The following TFEB variants were observed in gnomAD, a reference collection of about 807,000 sequenced individuals.
TFEB encodes T-cell transcription factor EB.
Under a neutral mutation model 48.0 loss-of-function variants are expected in TFEB, and 12 were observed. That is an observed-to-expected ratio of 0.25 (90% CI 0.16 to 0.40). The LOEUF (loss-of-function observed/expected upper bound fraction) is 0.40, where lower values mean the gene tolerates loss of function less well. TFEB is among the 10% of genes least tolerant of loss of function. The pLI is 1.00. For synonymous variants in TFEB, 244 were observed against 261.4 expected, an observed-to-expected ratio of 0.93 and a Z score of 0.64; for missense variants, 509 against 640.3, an observed-to-expected ratio of 0.79 and a Z score of 2.21.
intron 1 of TFEB, among the ~76,000 whole-genome samples, chr6:41,698,652 ACT>A (rs1197757836): frequency 1.3e-5 from 2 of 152,058 alleles, no homozygotes; most frequent in African/African-American, 2.4e-5. Context: ...AGTCTGTTAC[ACT>A]CTCAGTCGTG....
chr6:41,697,103 T>C (rs1431623028), intron 1 of TFEB, among the ~76,000 whole-genome samples: 2 of 152,014 alleles, frequency 1.3e-5, no homozygotes, highest in Non-Finnish European at 2.9e-5. Flanking sequence ...CATTTTAAAA[T>C]CACATAAGAA....
chr6:41,727,091 A>T (rs1289131739), intron 1 of TFEB, among the ~76,000 whole-genome samples: 1 of 151,694 alleles, frequency 6.6e-6, no homozygotes, highest in East Asian at 1.9e-4. Context: ...GCCACCACAC[A>T]CCCCTTCCTG....
At chr6:41,732,594 T>G (rs1413591400) in intron 1 of TFEB, 1 of 985,588 alleles carries the variant, frequency 1.0e-6, no homozygotes, top group Non-Finnish European at 1.2e-6. Flanking sequence ...ACACACAAAC[T>G]CACAACCATT....
At chr6:41,725,878 C>A (rs189832570) in intron 1 of TFEB, among the ~76,000 whole-genome samples, 1 of 152,198 alleles carries the variant, frequency 6.6e-6, no homozygotes, top group Non-Finnish European at 1.5e-5. Flanking sequence ...TAAGGAGCAA[C>A]AGGAACTCTG....
intron 1 of TFEB, among the ~76,000 whole-genome samples, chr6:41,709,760 G>A (rs1188322379): frequency 6.6e-6 from 1 of 152,108 alleles, no homozygotes; most frequent in African/African-American, 2.4e-5. Flanking sequence ...TTCCCATCTG[G>A]TTCAATATCC....
intron 1 of TFEB, among the ~76,000 whole-genome samples, chr6:41,692,851 C>T (rs569363188): frequency 6.6e-6 from 1 of 152,312 alleles, no homozygotes; most frequent in Non-Finnish European, 1.5e-5. Flanking sequence ...GGCAGTATGA[C>T]TTTGTGGTTG....
rs141184207 is a variant in TFEB at position 41,690,655 on chromosome 6, T to A, written c.468+8A>T. ...AGCAGCATGGCCACTGGCCAGCTCC[T>A]CACTCACCTCCCTCTCAGGGTTGGA... On this transcript the variant is annotated splice_region_variant and intron_variant, in intron 3 of 8. Coordinates refer to ENST00000373033, the MANE Select transcript of TFEB (RefSeq NM_001271944.2). 8.3e-4 allele frequency: 1,250 copies of A among 1,513,064 alleles called. 18 individuals carry two copies. The East Asian group carries it at 0.024, about 30-fold the overall frequency. The allele number at this position is 1,513,064 out of a possible 1,614,324, so 93.7% of individuals were successfully genotyped here. A position where few individuals can be genotyped will look rare whatever the true frequency, so the allele number is the denominator to read the frequency against.
chr6:41,732,919 A>G, intron 1 of TFEB: 1 of 985,516 alleles, frequency 1.0e-6, no homozygotes, highest in Non-Finnish European at 1.2e-6. Flanking sequence ...CAAAGGCCCA[A>G]CCTGGTTTTC....
chr6:41,715,533 G>T (rs1324243762), intron 1 of TFEB, among the ~76,000 whole-genome samples: 1 of 152,160 alleles, frequency 6.6e-6, no homozygotes, highest in East Asian at 1.9e-4. Context: ...AGCCGGGTGT[G>T]GTGGCGGATG....
At chr6:41,716,416 GAAACCT>G (rs1422304743) in intron 1 of TFEB, among the ~76,000 whole-genome samples, 10 of 151,018 alleles carry the variant, frequency 6.6e-5, no homozygotes, top group African/African-American at 2.2e-4. Flanking sequence ...GTGGATGTGG[GAAACCT>G]ATCTGATGAG....
rs539360190 is a variant in TFEB at position 41,734,949 on chromosome 6, G to A, written c.-23+401C>T. 2.0e-6 allele frequency: 2 copies of A among 985,332 alleles called. No homozygotes were observed. Among genetic ancestry groups the A allele is most frequent in the Non-Finnish European group, 2.4e-6 (2 of 829,974 alleles). 61.0% of individuals were successfully genotyped at this position (985,332 alleles called of 1,614,324 possible). A position where few individuals can be genotyped will look rare whatever the true frequency, so the allele number is the denominator to read the frequency against. The stretch of plus-strand genomic sequence containing the variant: ...CGGCCCCAGCCGTGTCCGGTGGAGG[G>A]GGAGTGGGCGCGGGGCCCGCGCGTC... On this transcript the variant is annotated intron_variant, in intron 1 of 8. Coordinates refer to ENST00000373033, the MANE Select transcript of TFEB (RefSeq NM_001271944.2). This position sits in a 1 kb window ranked among gnomAD's most constrained non-coding sequence, Gnocchi z 4.0.
In TFEB at chr6:41,686,023, G is replaced by A. The variant is rs1364871494; in HGVS notation, c.951+67C>T. 14 of 1,598,380 alleles carry A rather than the reference G, an allele frequency of 8.8e-6. No individual in the cohort carries two copies. The East Asian group carries it at 3.1e-4, about 36-fold the overall frequency. ...CTCCAACTTCAGAAGTACAAGTACT[G>A]CCCCTTAGGGCCAGGAGCCAGGTTA... On this transcript the variant is annotated intron_variant, in intron 8 of 8. Transcript: ENST00000373033.
intron 1 of TFEB, among the ~76,000 whole-genome samples, chr6:41,696,490 C>T (rs9471629): frequency 0.45 from 67,623 of 151,754 alleles, 15,257 homozygotes; most frequent in Middle Eastern, 0.52. Flanking sequence ...GTCAGGAGTT[C>T]GAAGCCAGCC....
At chr6:41,690,976 G>C (rs901091167) in intron 2 of TFEB, 25 bp downstream of exon 2, 1 of 1,568,162 alleles carries the variant, frequency 6.4e-7, no homozygotes, top group Non-Finnish European at 8.7e-7. Flanking sequence ...GGACAGGGTG[G>C]GGGGCAGGCC....
At chr6:41,707,763 A>G (rs769831824) in intron 1 of TFEB, among the ~76,000 whole-genome samples, 3 of 151,928 alleles carry the variant, frequency 2.0e-5, no homozygotes, top group African/African-American at 7.3e-5. Flanking sequence ...GCACGAAATT[A>G]CTCCCCCACC....
chr6:41,687,617 G>A, intron 6 of TFEB, 136 bp downstream of exon 6: 2 of 1,086,338 alleles, frequency 1.8e-6, no homozygotes, highest in Non-Finnish European at 1.4e-6. Flanking sequence ...GCAATGGGAG[G>A]GCTTAAGCCA....
intron 1 of TFEB, among the ~76,000 whole-genome samples, chr6:41,714,347 T>C (rs1294518573): frequency 1.3e-5 from 2 of 152,192 alleles, no homozygotes; most frequent in African/African-American, 4.8e-5. Context: ...GTGTTTGTTT[T>C]CCAGATGAAC....
chr6:41,691,499 A>C lies in TFEB; in HGVS notation c.-22-264T>G, dbSNP rs1238328934. The C allele has an allele frequency of 7.5e-6, 5 of 664,130 alleles. No homozygotes were observed. Among genetic ancestry groups the C allele is most frequent in the African/African-American group, 1.8e-5 (1 of 55,888 alleles). 41.1% of individuals were successfully genotyped at this position (664,130 alleles called of 1,614,324 possible). ...CAGTTGGTAAATCCCAAACTCTAAG[A>C]GTCAACTTCCACTCCTCTCTGTGTC... On this transcript the variant is annotated intron_variant, in intron 1 of 8. Transcript: ENST00000373033. This position sits in a 1 kb window ranked among gnomAD's most constrained non-coding sequence, Gnocchi z 5.2.
rs926055147 is a variant in TFEB at position 41,730,547 on chromosome 6, T to C, written c.-23+4803A>G. On this transcript the variant is annotated intron_variant, in intron 1 of 8. Transcript: ENST00000373033. This position sits in a 1 kb window ranked among gnomAD's most constrained non-coding sequence, Gnocchi z 4.1. ...GTGGCCAGACCTCATTTTTCCTCCT[T>C]AAGCCCACACTTAAGAGCCAGGAAG... Among the ~76,000 whole-genome samples the C allele has an allele frequency of 2.6e-5, 4 of 152,164 alleles. No homozygotes were observed. The highest frequency in any genetic ancestry group is 4.4e-5 in the Non-Finnish European group (3 of 68,018).
Sources: allele counts gnomAD v4.1 joint callset (sites outside exome capture counted in the v4.1 genomes callset), GRCh38; gene constraint gnomAD v4.1.1; non-coding constraint Gnocchi (gnomAD v3.1); transcripts MANE v1.5; gene names NCBI Gene and HGNC (gene_info 2026-07-23, HGNC 2026-07-21).